The following WNK1 variants were observed in gnomAD, a reference collection of about 807,000 sequenced individuals.
WNK1 encodes WNK lysine deficient protein kinase 1, also known as serine/threonine-protein kinase WNK1.
In WNK1, 38 loss-of-function variants were observed where a neutral mutation model predicts 222.8. The observed-to-expected ratio is 0.17, with a 90% CI of 0.13 to 0.22. The LOEUF (loss-of-function observed/expected upper bound fraction) is 0.22, where lower values mean the gene tolerates loss of function less well. Ranked by LOEUF, WNK1 falls within the 10% of genes least tolerant of loss-of-function variation. The probability of loss-of-function intolerance (pLI) is 1.00; values close to 1 mark genes in which losing one functional copy is unlikely to be tolerated. For synonymous variants in WNK1, 1,090 were observed against 1,092.9 expected, an observed-to-expected ratio of 1.00 and a Z score of 0.05; for missense variants, 2,348 against 2,918.4, an observed-to-expected ratio of 0.80 and a Z score of 4.50.
In WNK1 at chr12:885,327, A is replaced by C; in HGVS notation, c.4523A>C (p.Gln1508Pro). 1 of 1,614,116 alleles carries C rather than the reference A, an allele frequency of 6.2e-7. No homozygotes were observed. The highest frequency in any genetic ancestry group is 8.5e-7 in the Non-Finnish European group (1 of 1,180,030). ...AGCACAGCTTCACAGCTGTGCATTC[A>C]GCTTAGCAGCAGTACTTCTACTCCT... ...FPSTASQLCI[Q>P]LSSSTSTPTL... is the part of the protein sequence containing the mutation. Residue 1508 changes from glutamine to proline, a missense_variant, in exon 19 of 28, where the codon CAG becomes CCG. By Grantham distance (76) the Gln-to-Pro change is moderately conservative. Coordinates refer to ENST00000315939, the MANE Select transcript of WNK1 (RefSeq NM_018979.4).
At position 885,696 on chromosome 12, in the gene WNK1, C is replaced by T; in HGVS notation, c.4892C>T (p.Pro1631Leu). 1 of 1,614,144 alleles carries T rather than the reference C, an allele frequency of 6.2e-7. No individual in the cohort carries two copies. The highest frequency in any genetic ancestry group is 1.3e-5 in the African/African-American group (1 of 75,014). ...CAACCAGCTTTGCTTCCCAACCAGC[C>T]CCATACTCATTGTCCTGAAGTAGAT... Reference protein sequence around the residue: ...QPQPALLPNQPHTHCPEVDSD... With the variant: ...QPQPALLPNQLHTHCPEVDSD... Residue 1631 changes from proline to leucine, a missense_variant, in exon 19 of 28, where the codon CCC becomes CTC. Pro to Leu is a moderately conservative substitution (Grantham distance 98, BLOSUM62 -3). Coordinates refer to ENST00000315939, the MANE Select transcript of WNK1 (RefSeq NM_018979.4).
intron 1 of WNK1, among the ~76,000 whole-genome samples, chr12:766,012 C>T (rs1043789342): frequency 3.9e-5 from 6 of 152,058 alleles, no homozygotes; most frequent in African/African-American, 1.5e-4. Context: ...ATTTGGTGAC[C>T]TTACAGTTTC....
In WNK1 at chr12:753,677, A is replaced by C; in HGVS notation, c.112A>C (p.Lys38Gln). ...CAGCTCCGATTCCTCCGTGGGGGAG[A>C]AACTGGGAGCCGCGGCCGCCGACGC... ...GSSSDSSVGE[K>Q]LGAAAADAVT... The change falls in exon 1 of 28, where the codon AAA (lysine) becomes CAA (glutamine). Residue 38 changes from lysine to glutamine, a missense_variant. Transcript: ENST00000315939. This position sits in a 1 kb window ranked among gnomAD's most constrained non-coding sequence, Gnocchi z 5.2. The C allele has an allele frequency of 6.2e-7, 1 of 1,611,984 alleles. No homozygotes were observed. The highest frequency in any genetic ancestry group is 2.2e-5 in the East Asian group (1 of 44,794).
Position 861,239 on chromosome 12 carries a change from C to T in WNK1, c.1847C>T (p.Ala616Val), listed in dbSNP as rs1951197774. Reference sequence around the variant, plus strand: ...TCTGCTAGCACCGGCATACCTACTGCTTCTACCACTTCAGCTTCAGTTTCT... The same window carrying T: ...TCTGCTAGCACCGGCATACCTACTGTTTCTACCACTTCAGCTTCAGTTTCT... ...LPSASTGIPT[A>V]STTSASVSTQ... The change falls in exon 7 of 28, where the codon GCT (alanine) becomes GTT (valine). Residue 616 changes from alanine (A) to valine (V), a missense_variant. By Grantham distance (64) the Ala-to-Val change is moderately conservative. Transcript: ENST00000315939. 6.2e-7 allele frequency: 1 copy of T among 1,614,050 alleles called. No homozygotes were observed. The highest frequency in any genetic ancestry group is 1.3e-5 in the African/African-American group (1 of 74,914).
In WNK1 at chr12:868,483, A is replaced by T. The variant is rs753037995; in HGVS notation, c.2140-2782A>T. 9 of 1,613,910 alleles carry T rather than the reference A, an allele frequency of 5.6e-6. No homozygotes were observed. In the South Asian group the frequency reaches 9.9e-5, roughly 18 times the overall value. On this transcript the variant is annotated intron_variant, in intron 8 of 27. Coordinates refer to ENST00000315939, the MANE Select transcript of WNK1 (RefSeq NM_018979.4). Reference sequence around the variant, plus strand: ...TTCAGAATCTAAGATTAGATTCTGGATTGGGTCCGGGATCTCCCCTCTCTA... The same window carrying T: ...TTCAGAATCTAAGATTAGATTCTGGTTTGGGTCCGGGATCTCCCCTCTCTA...
At chr12:758,340 T>TAAGA (rs1487798058) in intron 1 of WNK1, among the ~76,000 whole-genome samples, 1 of 141,362 alleles carries the variant, frequency 7.1e-6, no homozygotes, top group Admixed American at 7.1e-5. Context: ...GTTCTGTGAT[T>TAAGA]AAGAAACCAT....
chr12:785,845 G>A (rs80198895), intron 1 of WNK1, among the ~76,000 whole-genome samples: 2,219 of 152,022 alleles, frequency 0.015, 57 homozygotes, highest in African/African-American at 0.05. Context: ...CTTGGTTGTC[G>A]CATTTGAGTT....
intron 27 of WNK1, 167 bp from the exon 28 acceptor site, chr12:908,308 T>C (rs1329258102): frequency 3.7e-6 from 3 of 805,476 alleles, no homozygotes; most frequent in East Asian, 5.3e-5. Context: ...TCCCTCCCTC[T>C]CATGAGGATT....
At chr12:889,030 T>TA in intron 20 of WNK1, 110 bp from the exon 21 acceptor site, 1 of 855,246 alleles carries the variant, frequency 1.2e-6, no homozygotes, top group Non-Finnish European at 2.0e-6. Context: ...AGACAAATGT[T>TA]ATGTTGTGCC....
At chr12:864,446 C>T (rs959331592) in intron 8 of WNK1, among the ~76,000 whole-genome samples, 1 of 152,138 alleles carries the variant, frequency 6.6e-6, no homozygotes, top group African/African-American at 2.4e-5. Flanking sequence ...TGAAGATATT[C>T]TCCCATTGAT....
At chr12:854,859 C>T (rs116028079) in intron 4 of WNK1, among the ~76,000 whole-genome samples, 2,302 of 152,206 alleles carry the variant, frequency 0.015, 59 homozygotes, top group African/African-American at 0.052. Flanking sequence ...AAATTATTTA[C>T]AATAGCTAAT....
At chr12:812,854 A>G (rs1271582632) in intron 1 of WNK1, among the ~76,000 whole-genome samples, 1 of 152,182 alleles carries the variant, frequency 6.6e-6, no homozygotes, top group Non-Finnish European at 1.5e-5. Flanking sequence ...AAGGGGAAAA[A>G]AAGAGAATGA....
intron 26 of WNK1, chr12:901,450 G>A (rs1052538334): frequency 1.7e-5 from 10 of 581,062 alleles, no homozygotes; most frequent in Non-Finnish European, 2.0e-5. Context: ...TTGTTCTTCT[G>A]TGTGCCATCT....
chr12:900,016 C>CTTTTTTTTTTTT (rs11433731), intron 25 of WNK1, among the ~76,000 whole-genome samples: 3 of 119,642 alleles, frequency 2.5e-5, no homozygotes, highest in Non-Finnish European at 3.3e-5. Flanking sequence ...GGATTCTTTT[C>CTTTTTTTTTTTT]TTTTTTTTTT....
Position 771,735 on chromosome 12 carries a change from T to G in WNK1, c.759+17411T>G, listed in dbSNP as rs73602265. Among the ~76,000 whole-genome samples, 1,072 of 152,302 alleles carry G rather than the reference T, an allele frequency of 7.0e-3. 14 individuals are homozygous for G. The highest frequency in any genetic ancestry group is 0.024 in the African/African-American group (1,013 of 41,558). On this transcript the variant is annotated intron_variant, in intron 1 of 27. Coordinates refer to ENST00000315939, the MANE Select transcript of WNK1 (RefSeq NM_018979.4). ...CAGGCATGAGCCTCTGCACCCAGCC[T>G]TAACTGCTTTATTTTAATAAAGTTG...
chr12:853,509 A>C (rs1311797562), intron 4 of WNK1, among the ~76,000 whole-genome samples: 1 of 152,232 alleles, frequency 6.6e-6, no homozygotes, highest in South Asian at 2.1e-4. Flanking sequence ...CAGATACGAC[A>C]TTTGAATTCA....
intron 8 of WNK1, among the ~76,000 whole-genome samples, chr12:869,554 G>T (rs1009527823): frequency 3.3e-5 from 5 of 151,824 alleles, no homozygotes; most frequent in African/African-American, 1.2e-4. Context: ...AGGGAATGCT[G>T]TTTTTGAGGT....
intron 4 of WNK1, among the ~76,000 whole-genome samples, chr12:831,720 A>G (rs1214100263): frequency 6.6e-6 from 1 of 152,034 alleles, no homozygotes; most frequent in Non-Finnish European, 1.5e-5. Context: ...ACATTTTTAA[A>G]CTTTCTCAGG....
intron 6 of WNK1, among the ~76,000 whole-genome samples, 169 bp downstream of exon 6, chr12:859,633 T>TGTGTGTGTGTGTGTGTGTGTGG (rs372754842): frequency 8.3e-4 from 52 of 62,706 alleles, no homozygotes; most frequent in Middle Eastern, 6.7e-3. Context: ...TGTGTGTGTG[T>TGTGTGTGTGTGTGTGTGTGTGG]TTTTTTTTTT....
Sources: allele counts gnomAD v4.1 joint callset (sites outside exome capture counted in the v4.1 genomes callset), GRCh38; gene constraint gnomAD v4.1.1; non-coding constraint Gnocchi (gnomAD v3.1); transcripts MANE v1.5; gene names NCBI Gene and HGNC (gene_info 2026-07-23, HGNC 2026-07-21).